RYR2: variants seen among roughly 807,000 people sequenced by gnomAD.
RYR2 encodes the protein ryanodine receptor 2.
RYR2 carries 227 observed loss-of-function variants against 601.1 expected under a neutral mutation model. The ratio of observed to expected loss-of-function variants is 0.38; its 90% CI spans 0.34 to 0.42. The LOEUF (loss-of-function observed/expected upper bound fraction) is 0.42, where lower values mean the gene tolerates loss of function less well. Among genes scored for constraint, RYR2 ranks in the 10% least tolerant of loss-of-function variants. The probability of loss-of-function intolerance (pLI) is 1.00; values close to 1 mark genes in which losing one functional copy is unlikely to be tolerated. For synonymous variants in RYR2, 2,223 were observed against 2,175.1 expected (o/e 1.02, Z -0.61); for missense variants, 4,646 against 6,156.5 (o/e 0.75, Z 8.21).
chr1:237,474,596 A>T (rs900673602), intron 17 of RYR2, among the ~76,000 whole-genome samples: 1 of 152,024 alleles, frequency 6.6e-6, no homozygotes, highest in Non-Finnish European at 1.5e-5. Context: ...AAATTCTCAA[A>T]ATCTTAACCT....
chr1:237,496,012 C>G (rs1190065412), intron 19 of RYR2, among the ~76,000 whole-genome samples: 1 of 152,178 alleles, frequency 6.6e-6, no homozygotes, highest in Non-Finnish European at 1.5e-5. Flanking sequence ...CTGGCTTTCT[C>G]TGTGTACTAC....
rs1278184337 is a variant in RYR2, at chr1:237,442,900, GTTTAAC to G, written c.1170+1423_1170+1428del. 5.3e-5 allele frequency among the ~76,000 whole-genome samples: 8 copies of G among 152,092 alleles called. No homozygotes were observed. In the South Asian group the frequency reaches 6.2e-4, roughly 12 times the overall value. On this transcript the variant is annotated intron_variant, in intron 13 of 104. Coordinates refer to ENST00000366574, the MANE Select transcript of RYR2 (RefSeq NM_001035.3). Reference sequence around the variant, plus strand: ...CTAGATGAACACAATTTTTAGTTTTGTTTAACTTTAATTAAATTTTAAAAACGCACA... The same window carrying G: ...CTAGATGAACACAATTTTTAGTTTTGTTTAATTAAATTTTAAAAACGCACA...
intron 2 of RYR2, among the ~76,000 whole-genome samples, chr1:237,319,239 C>A (rs540358479): frequency 3.3e-5 from 5 of 151,858 alleles, no homozygotes; most frequent in African/African-American, 7.3e-5. Flanking sequence ...TCCTTTAGTT[C>A]TTTAAACATA....
intron 3 of RYR2, among the ~76,000 whole-genome samples, chr1:237,349,077 G>T (rs1698538607): frequency 6.6e-6 from 1 of 152,130 alleles, no homozygotes. Context: ...AACTGTGATG[G>T]ATTTGGAGCT....
chr1:237,107,949 G>T (rs1668929827), intron 1 of RYR2, among the ~76,000 whole-genome samples: 1 of 152,096 alleles, frequency 6.6e-6, no homozygotes, highest in Non-Finnish European at 1.5e-5. Flanking sequence ...ACTCCTTTGT[G>T]GGGCTGTTTT....
At chr1:237,209,252 A>G (rs1682282322) in intron 1 of RYR2, among the ~76,000 whole-genome samples, 1 of 151,390 alleles carries the variant, frequency 6.6e-6, no homozygotes, top group Non-Finnish European at 1.5e-5. Context: ...TAAAAAAGAC[A>G]TGCATTATAT....
intron 2 of RYR2, among the ~76,000 whole-genome samples, chr1:237,299,002 T>C (rs944384312): frequency 6.6e-6 from 1 of 152,072 alleles, no homozygotes; most frequent in Non-Finnish European, 1.5e-5. Flanking sequence ...CTCTAAAAAA[T>C]AAACATTTAT....
intron 10 of RYR2, among the ~76,000 whole-genome samples, chr1:237,414,578 G>A (rs910662676): frequency 6.6e-6 from 1 of 151,912 alleles, no homozygotes; most frequent in Non-Finnish European, 1.5e-5. Flanking sequence ...ATATTTATGG[G>A]GTACAATATG....
At chr1:237,284,111 G>T (rs1245650407) in intron 2 of RYR2, among the ~76,000 whole-genome samples, 2 of 152,164 alleles carry the variant, frequency 1.3e-5, no homozygotes, top group Non-Finnish European at 2.9e-5. Context: ...GGCCAGGCGT[G>T]GTGGCTCACG....
chr1:237,499,187 A>G (rs1664381665), intron 20 of RYR2, among the ~76,000 whole-genome samples: 1 of 152,114 alleles, frequency 6.6e-6, no homozygotes, highest in Admixed American at 6.6e-5. Flanking sequence ...ATTTCTCGGA[A>G]CAAGGATTGG....
At chr1:237,100,695 G>C (rs1412385938) in intron 1 of RYR2, among the ~76,000 whole-genome samples, 2 of 152,144 alleles carry the variant, frequency 1.3e-5, no homozygotes, top group Non-Finnish European at 2.9e-5. Flanking sequence ...CCTGATCTGG[G>C]ATTTAAAGGG....
At chr1:237,485,062 C>T (rs564820587) in intron 17 of RYR2, among the ~76,000 whole-genome samples, 5 of 152,114 alleles carry the variant, frequency 3.3e-5, no homozygotes, top group South Asian at 2.1e-4. Flanking sequence ...GCCGAATTCA[C>T]CAAGTAAAAT....
chr1:237,212,471 T>C (rs1042064581), intron 1 of RYR2, among the ~76,000 whole-genome samples: 3 of 152,164 alleles, frequency 2.0e-5, no homozygotes, highest in African/African-American at 7.2e-5. Flanking sequence ...CAAAAATTCC[T>C]ACTGGGCTTG....
In RYR2 at chr1:237,676,788, G is replaced by C. The variant is rs1158812820; in HGVS notation, c.8831-1260G>C. On this transcript the variant is annotated intron_variant, in intron 60 of 104. Coordinates refer to ENST00000366574, the MANE Select transcript of RYR2 (RefSeq NM_001035.3). ...TTTCTAATTGTTGTATAATACCGTA[G>C]ATTGTAATCTCTCCACATCTTTTTC... Among the ~76,000 whole-genome samples, 6 of 152,046 alleles carry C rather than the reference G, an allele frequency of 3.9e-5. No homozygotes were observed. The East Asian group carries it at 7.7e-4, about 20-fold the overall frequency.
At chr1:237,191,898 T>C (rs904602911) in intron 1 of RYR2, among the ~76,000 whole-genome samples, 1 of 152,206 alleles carries the variant, frequency 6.6e-6, no homozygotes, top group Non-Finnish European at 1.5e-5. Flanking sequence ...ATTTGCTACA[T>C]TTTTGGGTCA....
At position 237,787,973 on chromosome 1, in the gene RYR2, T is replaced by G. The variant is rs1188175665; in HGVS notation, c.13329-15T>G. ...GTTTCTGGAGAGCTTATGTTTTGTT[T>G]GTTTGTTTTCATAGGGGAGAAGATG... On this transcript the variant is annotated splice_polypyrimidine_tract_variant and intron_variant, in intron 91 of 104. Transcript: ENST00000366574. 6.3e-7 allele frequency: 1 copy of G among 1,575,004 alleles called. No individual in the cohort carries two copies. Among genetic ancestry groups the G allele is most frequent in the African/African-American group, 1.3e-5 (1 of 74,080 alleles).
intron 1 of RYR2, among the ~76,000 whole-genome samples, chr1:237,183,816 G>T (rs1242810081): frequency 1.3e-5 from 2 of 152,148 alleles, no homozygotes; most frequent in African/African-American, 2.4e-5. Flanking sequence ...GGAGACAGAG[G>T]CCAGTGAGAA....
chr1:237,264,789 G>A (rs909376421), intron 1 of RYR2, among the ~76,000 whole-genome samples: 3 of 151,274 alleles, frequency 2.0e-5, no homozygotes, highest in Non-Finnish European at 4.4e-5. Flanking sequence ...TCCATCTCCC[G>A]GGTTCAAGCA....
chr1:237,808,788 T>G (rs765706516), intron 99 of RYR2, 113 bp from the exon 100 acceptor site: 78 of 912,770 alleles, frequency 8.5e-5, no homozygotes, highest in Non-Finnish European at 1.3e-4. Context: ...CCCATTAGCT[T>G]CTAGTAAACA....
Sources: allele counts gnomAD v4.1 joint callset (sites outside exome capture counted in the v4.1 genomes callset), GRCh38; gene constraint gnomAD v4.1.1; transcripts MANE v1.5; gene names NCBI Gene and HGNC (gene_info 2026-07-23, HGNC 2026-07-21).